TRPM7: variants seen among roughly 807,000 people sequenced by gnomAD.
TRPM7 encodes LTRPC ion channel family member 7.
A neutral mutation model predicts 229.7 loss-of-function variants in TRPM7; 134 were observed. The ratio of observed to expected loss-of-function variants is 0.58; its 90% CI spans 0.51 to 0.67. TRPM7 has a LOEUF of 0.67. TRPM7 is among the 30% of genes least tolerant of loss of function. The pLI is 0.00. For synonymous variants in TRPM7, 699 were observed against 715.2 expected (o/e 0.98, Z 0.36); for missense variants, 1,901 against 2,210.0 (o/e 0.86, Z 2.80).
In TRPM7 at chr15:50,566,682, G is replaced by A. The variant is rs185022295; in HGVS notation, c.5467+3205C>T. ...CTGCACTCCAGCCTGGTGACAGAGT[G>A]AGACTCCATCTCAAAATAAATAAAT... On this transcript the variant is annotated intron_variant, in intron 38 of 38. Coordinates refer to ENST00000646667, the MANE Select transcript of TRPM7 (RefSeq NM_017672.6). Among the ~76,000 whole-genome samples, 358 of 152,114 alleles carry A rather than the reference G, an allele frequency of 2.4e-3. 1 individual carries two copies. The highest frequency in any genetic ancestry group is 8.0e-3 in the African/African-American group (334 of 41,502).
intron 21 of TRPM7, among the ~76,000 whole-genome samples, chr15:50,600,314 G>A (rs1291941227): frequency 6.6e-6 from 1 of 151,938 alleles, no homozygotes; most frequent in African/African-American, 2.4e-5. Flanking sequence ...GCACACTCCT[G>A]TAATCCCAGC....
At chr15:50,595,284 C>T (rs2059603741) in intron 23 of TRPM7, among the ~76,000 whole-genome samples, 1 of 151,156 alleles carries the variant, frequency 6.6e-6, no homozygotes, top group African/African-American at 2.4e-5. Context: ...AGGAAACAGG[C>T]CTATTTAGAC....
chr15:50,624,082 T>C lies in TRPM7; in HGVS notation c.1440+84A>G, dbSNP rs575644180. ...ACTAAGGAAGACATTAAGGGTTTTA[T>C]CAATAGGAATGGCTATATTCAGGTA... On this transcript the variant is annotated intron_variant, in intron 12 of 38. Coordinates refer to ENST00000646667, the MANE Select transcript of TRPM7 (RefSeq NM_017672.6). 2.1e-5 allele frequency: 28 copies of C among 1,360,856 alleles called. No individual in the cohort carries two copies. The African/African-American group carries it at 2.6e-4, about 13-fold the overall frequency. The allele number at this position is 1,360,856 out of a possible 1,614,324, so 84.3% of individuals were successfully genotyped here. A position where few individuals can be genotyped will look rare whatever the true frequency, so the allele number is the denominator to read the frequency against.
chr15:50,579,558 T>G (rs2054302698), intron 30 of TRPM7, among the ~76,000 whole-genome samples: 1 of 152,192 alleles, frequency 6.6e-6, no homozygotes, highest in African/African-American at 2.4e-5. Context: ...GGGTCAGCAT[T>G]CTGCAAGACA....
chr15:50,637,479 C>T lies in TRPM7; in HGVS notation c.775G>A (p.Glu259Lys), dbSNP rs183351011. Residue 259 changes from glutamate to lysine, a missense_variant, in exon 7 of 39, where the codon GAA (glutamate) becomes AAA (lysine). Transcript: ENST00000646667. ...TCAAGTTCTCTTCTCAGTCTGACTTCCGCCCCATACTTTCCAACAGTGCCA... is the reference window on the plus strand; with the variant it reads ...TCAAGTTCTCTTCTCAGTCTGACTTTCGCCCCATACTTTCCAACAGTGCCA... ...DDGTVGKYGAEVRLRRELEKT... is the reference protein window; with the variant it reads ...DDGTVGKYGAKVRLRRELEKT... 1.2e-6 allele frequency: 2 copies of T among 1,613,960 alleles called. No homozygotes were observed. The highest frequency in any genetic ancestry group is 2.2e-5 in the East Asian group (1 of 44,860).
chr15:50,584,375 G>A (rs2054582184), intron 28 of TRPM7, among the ~76,000 whole-genome samples: 2 of 152,170 alleles, frequency 1.3e-5, no homozygotes, highest in Admixed American at 6.5e-5. Flanking sequence ...AGAACCTAGA[G>A]TGTTGATTTA....
intron 10 of TRPM7, among the ~76,000 whole-genome samples, chr15:50,629,177 G>C (rs2060651941): frequency 7.4e-6 from 1 of 135,040 alleles, no homozygotes; most frequent in African/African-American, 3.0e-5. Flanking sequence ...TAAGGTTTTT[G>C]ATATACTCCA....
intron 4 of TRPM7, among the ~76,000 whole-genome samples, chr15:50,648,283 GA>G (rs1001587470): frequency 2.0e-5 from 3 of 150,584 alleles, no homozygotes; most frequent in Non-Finnish European, 4.4e-5. Context: ...AATAATACAA[GA>G]AAAAAAACAG....
At chr15:50,639,331 T>C in intron 6 of TRPM7, 93 bp downstream of exon 6, 2 of 1,124,924 alleles carry the variant, frequency 1.8e-6, no homozygotes, top group Non-Finnish European at 1.2e-6. Flanking sequence ...AAAAGTATAA[T>C]ATAATCATAA....
At chr15:50,624,558 A>T (rs892470596) in intron 11 of TRPM7, among the ~76,000 whole-genome samples, 2 of 152,194 alleles carry the variant, frequency 1.3e-5, no homozygotes, top group Non-Finnish European at 2.9e-5. Context: ...TACATGGGGG[A>T]AAAAACAGAA....
At chr15:50,663,605 T>C (rs2061792546) in intron 1 of TRPM7, among the ~76,000 whole-genome samples, 1 of 152,122 alleles carries the variant, frequency 6.6e-6, no homozygotes, top group East Asian at 1.9e-4. Context: ...GGAAGCCTAG[T>C]TTGAGATTCC....
chr15:50,582,515 T>C (rs148411847), intron 29 of TRPM7: 1 of 152,314 alleles, frequency 6.6e-6, no homozygotes, highest in African/African-American at 2.4e-5. Context: ...TGTTGCAAAG[T>C]TGTGCAGCTC....
chr15:50,652,430 A>T (rs2061447710), intron 3 of TRPM7, among the ~76,000 whole-genome samples: 1 of 151,450 alleles, frequency 6.6e-6, no homozygotes, highest in Admixed American at 6.6e-5. Context: ...TGAAAAGATA[A>T]ATAAAATTGA....
intron 33 of TRPM7, 149 bp downstream of exon 33, chr15:50,575,575 C>G (rs1205978538): frequency 3.0e-6 from 2 of 676,106 alleles, no homozygotes; most frequent in Non-Finnish European, 4.8e-6. Flanking sequence ...TCTATTCAAA[C>G]ATACCTCACC....
At chr15:50,596,175 A>T in intron 23 of TRPM7, 80 bp downstream of exon 23, 1 of 1,033,426 alleles carries the variant, frequency 9.7e-7, no homozygotes, top group Non-Finnish European at 1.3e-6. Context: ...TTTAGATTTT[A>T]AGTTCTATAA....
chr15:50,661,565 A>G lies in TRPM7; in HGVS notation c.83+1402T>C, dbSNP rs557361062. Among the ~76,000 whole-genome samples, 3 of 147,392 alleles carry G rather than the reference A, an allele frequency of 2.0e-5. No homozygotes were observed. The South Asian group carries it at 6.2e-4, about 31-fold the overall frequency. ...GTTAAGAATTTTTTAAAATGTTAAAATAAAGAGAAATTTTTGGAAATGCTA... is the reference window on the plus strand; with the variant it reads ...GTTAAGAATTTTTTAAAATGTTAAAGTAAAGAGAAATTTTTGGAAATGCTA... On this transcript the variant is annotated intron_variant, in intron 2 of 38. Coordinates refer to ENST00000646667, the MANE Select transcript of TRPM7 (RefSeq NM_017672.6).
intron 1 of TRPM7, among the ~76,000 whole-genome samples, chr15:50,678,518 AT>A (rs371553283): frequency 0.24 from 28,143 of 116,976 alleles, 3,193 homozygotes; most frequent in East Asian, 0.46. Context: ...AAAAAAAAAA[AT>A]ATATATATAT....
intron 11 of TRPM7, among the ~76,000 whole-genome samples, chr15:50,625,858 T>C (rs1364622029): frequency 1.3e-5 from 2 of 152,210 alleles, no homozygotes; most frequent in Admixed American, 6.5e-5. Context: ...TCCAAGAAAA[T>C]AATACTTATT....
At chr15:50,597,794 C>T (rs1337360590) in intron 22 of TRPM7, among the ~76,000 whole-genome samples, 1 of 152,056 alleles carries the variant, frequency 6.6e-6, no homozygotes, top group East Asian at 1.9e-4. Context: ...TGGTATGCAG[C>T]TGTAATCCCA....
Sources: gnomAD v4.1 joint callset for allele counts (sites outside exome capture counted in the v4.1 genomes callset) on GRCh38, gnomAD v4.1.1 for gene constraint, MANE v1.5 for transcripts, NCBI Gene and HGNC (gene_info 2026-07-23, HGNC 2026-07-21) for gene names.